The following TTYH3 variants were observed in gnomAD, a reference collection of about 807,000 sequenced individuals.
The protein encoded by TTYH3 is protein tweety homolog 3.
TTYH3 carries 23 observed loss-of-function variants against 68.2 expected under a neutral mutation model. The ratio of observed to expected loss-of-function variants is 0.34; its 90% CI spans 0.24 to 0.48. The LOEUF is 0.48. TTYH3 is among the 20% of genes least tolerant of loss of function. TTYH3 has a pLI of 0.99. For synonymous variants in TTYH3, 360 were observed against 332.8 expected (o/e 1.08, Z -0.89); for missense variants, 768 against 727.7 (o/e 1.06, Z -0.64).
intron 1 of TTYH3, among the ~76,000 whole-genome samples, chr7:2,633,202 C>G (rs911089169): frequency 2.7e-4 from 41 of 152,298 alleles, no homozygotes; most frequent in African/African-American, 9.4e-4. Flanking sequence ...TGACCAGGGT[C>G]CCTGGTCACC....
intron 13 of TTYH3, chr7:2,659,918 C>T (rs1397146111): frequency 7.7e-7 from 1 of 1,300,260 alleles, no homozygotes; most frequent in East Asian, 5.6e-5. Context: ...TCTTGCACCC[C>T]ACCCACCCCG....
chr7:2,641,088 G>A (rs930557020), intron 1 of TTYH3, among the ~76,000 whole-genome samples: 3 of 152,122 alleles, frequency 2.0e-5, no homozygotes, highest in Admixed American at 6.5e-5. Context: ...AGGCCACAGA[G>A]CCCTGCCCCG....
At position 2,647,168 on chromosome 7, in the gene TTYH3, G is replaced by T; in HGVS notation, c.320G>T (p.Gly107Val). 6.2e-7 allele frequency: 1 copy of T among 1,606,420 alleles called. No homozygotes were observed. The highest frequency in any genetic ancestry group is 8.5e-7 in the Non-Finnish European group (1 of 1,177,994). The change falls in exon 3 of 14, where the codon GGC (glycine) becomes GTC (valine). Residue 107 changes from glycine to valine, a missense_variant. Physicochemically the swap from Gly to Val is moderately radical, Grantham distance 109. Transcript: ENST00000258796. ...CSAGIAVGFY[G>V]NGETSDGIHR... ...GCCGGCATCGCAGTGGGATTCTACG[G>T]CAACGGGGAGACCAGTGATGGCATC...
At position 2,645,532 on chromosome 7, in the gene TTYH3, CTT is replaced by C. The variant is rs1263031828; in HGVS notation, c.124-1318_124-1317del. 2 of 292,410 alleles carry C rather than the reference CTT, an allele frequency of 6.8e-6. No homozygotes were observed. The highest frequency in any genetic ancestry group is 4.4e-5 in the African/African-American group (2 of 45,644). 18.1% of individuals were successfully genotyped at this position (292,410 alleles called of 1,614,324 possible). A position where few individuals can be genotyped will look rare whatever the true frequency, so the allele number is the denominator to read the frequency against. ...CTCTGGTGTCTGTTCTGTGGTCTGTCTTTTGTGTTCAGAGACCTGGGGAGAGC... is the reference window on the plus strand; with the variant it reads ...CTCTGGTGTCTGTTCTGTGGTCTGTCTTGTGTTCAGAGACCTGGGGAGAGC... On this transcript the variant is annotated intron_variant, in intron 1 of 13. Transcript: ENST00000258796. The surrounding 1 kb of genome is among the most constrained non-coding windows in gnomAD (Gnocchi z 4.8).
In TTYH3 at chr7:2,656,093, A is replaced by G; in HGVS notation, c.1022A>G (p.Asp341Gly). The change falls in exon 10 of 14, where the codon GAC becomes GGC. Residue 341 changes from aspartate to glycine, a missense_variant and splice_region_variant. By Grantham distance (94) the Asp-to-Gly change is moderately conservative. Coordinates refer to ENST00000258796, the MANE Select transcript of TTYH3 (RefSeq NM_025250.3). Reference protein sequence around the residue: ...TVPWEQPATKDPLLRVQEVLN... With the variant: ...TVPWEQPATKGPLLRVQEVLN... ...CCATCTGCGGTGCGTGCCCCCCAGG[A>G]CCCCCTCCTCCGCGTCCAGGAGGTG... 2 of 1,546,306 alleles carry G rather than the reference A, an allele frequency of 1.3e-6. No individual in the cohort carries two copies. The highest frequency in any genetic ancestry group is 1.8e-6 in the Non-Finnish European group (2 of 1,142,070).
At chr7:2,650,021 G>C (rs1388442082) in intron 7 of TTYH3, 33 bp downstream of exon 7, 1 of 1,611,878 alleles carries the variant, frequency 6.2e-7, no homozygotes, top group South Asian at 1.1e-5. Context: ...GTCCCAGCGG[G>C]TTCCCCAGGG....
chr7:2,663,583 C>G lies in TTYH3; in HGVS notation c.*1844C>G, dbSNP rs1425614034. 1 of 152,662 alleles carries G rather than the reference C, an allele frequency of 6.6e-6. No homozygotes were observed. 9.5% of individuals were successfully genotyped at this position (152,662 alleles called of 1,614,324 possible). A position where few individuals can be genotyped will look rare whatever the true frequency, so the allele number is the denominator to read the frequency against. On this transcript the variant is annotated 3_prime_UTR_variant, in exon 14 of 14. Transcript: ENST00000258796. ...CCCTCGGAGGCCCCGCCACAGCCAA[C>G]CTGCCCAGTCTTTCCTCTGGGCTTG...
chr7:2,660,502 G>A (rs1786465816), intron 13 of TTYH3: 1 of 985,258 alleles, frequency 1.0e-6, no homozygotes, highest in Non-Finnish European at 1.2e-6. Context: ...ACGGTGGTGC[G>A]GGTGCCTGCT....
intron 1 of TTYH3, among the ~76,000 whole-genome samples, chr7:2,639,681 A>G (rs1785781199): frequency 6.6e-6 from 1 of 152,170 alleles, no homozygotes; most frequent in Non-Finnish European, 1.5e-5. Context: ...CTCTGTCCCC[A>G]CTGCAGTCAG....
chr7:2,648,440 G>A (rs999845674), intron 5 of TTYH3: 3 of 204,452 alleles, frequency 1.5e-5, no homozygotes, highest in Non-Finnish European at 2.9e-5. Flanking sequence ...CCCCAGCTCC[G>A]GCTCACTAGG....
At chr7:2,653,588 C>A (rs6973332) in intron 9 of TTYH3, among the ~76,000 whole-genome samples, 2,621 of 152,210 alleles carry the variant, frequency 0.017, 96 homozygotes, top group African/African-American at 0.06. Flanking sequence ...AAAGGCCTGG[C>A]GCGGTGGCTC....
chr7:2,635,784 G>A (rs567273711), intron 1 of TTYH3, among the ~76,000 whole-genome samples: 11 of 152,328 alleles, frequency 7.2e-5, no homozygotes, highest in South Asian at 4.1e-4. Context: ...CATGGGGGAC[G>A]TGTTTTCCAC....
At chr7:2,636,830 C>T (rs1785689008) in intron 1 of TTYH3, among the ~76,000 whole-genome samples, 1 of 152,146 alleles carries the variant, frequency 6.6e-6, no homozygotes, top group Non-Finnish European at 1.5e-5. Context: ...CACCCTTGGC[C>T]CGGCCGCTGC....
Position 2,645,081 on chromosome 7 carries a change from G to C in TTYH3, c.124-1772G>C, listed in dbSNP as rs1190570297. Reference sequence around the variant, plus strand: ...CAATGAGGGCAGCGCAGGTGTGCCTGGTGGCCACCCCACAACACTGAGGGC... The same window carrying C: ...CAATGAGGGCAGCGCAGGTGTGCCTCGTGGCCACCCCACAACACTGAGGGC... On this transcript the variant is annotated intron_variant, in intron 1 of 13. Coordinates refer to ENST00000258796, the MANE Select transcript of TTYH3 (RefSeq NM_025250.3). The surrounding 1 kb of genome is among the most constrained non-coding windows in gnomAD (Gnocchi z 4.8). 6.6e-6 allele frequency among the ~76,000 whole-genome samples: 1 copy of C among 151,840 alleles called. No individual in the cohort carries two copies. The highest frequency in any genetic ancestry group is 1.5e-5 in the Non-Finnish European group (1 of 67,956).
chr7:2,654,050 G>A (rs2114993588), intron 9 of TTYH3, among the ~76,000 whole-genome samples: 1 of 152,288 alleles, frequency 6.6e-6, no homozygotes, highest in Admixed American at 6.5e-5. Context: ...TTTGGGAGCA[G>A]CTGGCCCTTC....
At chr7:2,648,400 T>G in intron 5 of TTYH3, 1 of 242,928 alleles carries the variant, frequency 4.1e-6, no homozygotes, top group Non-Finnish European at 7.9e-6. Flanking sequence ...ACCCCTTCCA[T>G]CCTTGGCCCT....
chr7:2,654,124 G>A (rs576979402), intron 9 of TTYH3, among the ~76,000 whole-genome samples: 74 of 152,278 alleles, frequency 4.9e-4, no homozygotes, highest in African/African-American at 1.7e-3. Context: ...GGCCGGGCAC[G>A]GCACTCATGC....
intron 1 of TTYH3, among the ~76,000 whole-genome samples, chr7:2,635,010 C>T (rs1391039584): frequency 6.6e-6 from 1 of 152,070 alleles, no homozygotes; most frequent in Non-Finnish European, 1.5e-5. Context: ...GGAGGGGCAT[C>T]TGGGGTCGGC....
chr7:2,650,037 C>G, intron 7 of TTYH3, 49 bp downstream of exon 7: 1 of 1,603,780 alleles, frequency 6.2e-7, no homozygotes, highest in Non-Finnish European at 8.5e-7. Flanking sequence ...CAGGGTTGGG[C>G]TGAGCCAAAA....
Sources: allele counts gnomAD v4.1 joint callset (sites outside exome capture counted in the v4.1 genomes callset), GRCh38; gene constraint gnomAD v4.1.1; non-coding constraint Gnocchi (gnomAD v3.1); transcripts MANE v1.5; gene names NCBI Gene and HGNC (gene_info 2026-07-23, HGNC 2026-07-21).